QDPR: variants seen among roughly 807,000 people sequenced by gnomAD.
QDPR encodes the protein quinoid dihydropteridine reductase.
A neutral mutation model predicts 31.7 loss-of-function variants in QDPR; 23 were observed. The observed-to-expected ratio is 0.73, with a 90% CI of 0.52 to 1.03. QDPR has a LOEUF of 1.03. QDPR is among the 50% of genes least tolerant of loss of function. The pLI is 0.00. For missense variants in QDPR, 324 were observed against 323.8 expected (o/e 1.00, Z 0.00); for synonymous variants, 124 against 124.7 (o/e 0.99, Z 0.03).
At chr4:17,506,508 C>T (rs534345715) in intron 2 of QDPR, among the ~76,000 whole-genome samples, 37 of 152,294 alleles carry the variant, frequency 2.4e-4, no homozygotes, top group African/African-American at 8.4e-4. Flanking sequence ...AGAGAACAGC[C>T]GTCAGACCCC....
intron 2 of QDPR, among the ~76,000 whole-genome samples, chr4:17,505,522 C>T (rs1718757169): frequency 6.6e-6 from 1 of 152,178 alleles, no homozygotes; most frequent in South Asian, 2.1e-4. Flanking sequence ...GCTGGGACAA[C>T]AGGACTGAGC....
At chr4:17,493,501 A>T (rs1718243349) in intron 4 of QDPR, among the ~76,000 whole-genome samples, 1 of 152,178 alleles carries the variant, frequency 6.6e-6, no homozygotes, top group Non-Finnish European at 1.5e-5. Context: ...AACAAGCTTA[A>T]TCAGGGGTTT....
At position 17,487,002 on chromosome 4, in the gene QDPR, G is replaced by T; in HGVS notation, c.*129C>A. The T allele has an allele frequency of 2.6e-6, 2 of 760,928 alleles. No homozygotes were observed. The highest frequency in any genetic ancestry group is 2.6e-5 in the East Asian group (1 of 37,834). The allele number at this position is 760,928 out of a possible 1,614,324, so 47.1% of individuals were successfully genotyped here. On this transcript the variant is annotated 3_prime_UTR_variant, in exon 7 of 7. Coordinates refer to ENST00000281243, the MANE Select transcript of QDPR (RefSeq NM_000320.3). Reference sequence around the variant, plus strand: ...CTAGGAGAGCAAATGCATATTATGTGAGAGAAAAATAGGACTCATTATCTC... The same window carrying T: ...CTAGGAGAGCAAATGCATATTATGTTAGAGAAAAATAGGACTCATTATCTC...
chr4:17,490,078 C>T (rs1294513530), intron 6 of QDPR: 1 of 167,262 alleles, frequency 6.0e-6, no homozygotes, highest in African/African-American at 2.4e-5. Context: ...AGGAATTCAG[C>T]TCTCTGTCCC....
chr4:17,489,169 G>C (rs1222943054), intron 6 of QDPR, among the ~76,000 whole-genome samples: 2 of 152,212 alleles, frequency 1.3e-5, no homozygotes, highest in African/African-American at 2.4e-5. Context: ...TCTAACCAGG[G>C]ATGGTAGAGG....
chr4:17,502,560 G>T (rs1037243302), intron 3 of QDPR, among the ~76,000 whole-genome samples: 4 of 152,138 alleles, frequency 2.6e-5, no homozygotes, highest in Non-Finnish European at 5.9e-5. Flanking sequence ...AAAACCTGAT[G>T]GATCCACATT....
chr4:17,493,796 G>C (rs1400129124), intron 4 of QDPR, among the ~76,000 whole-genome samples: 1 of 152,110 alleles, frequency 6.6e-6, no homozygotes. Context: ...CAGGAGGTCG[G>C]TAGGTGGAGC....
rs779024950 is a variant in QDPR at position 17,487,124 on chromosome 4, A to G, written c.*7T>C. ...TGGCAGGCCCCTCATAGGCACTGAG[A>G]TGAGGCCTAAAAATATGCTGGGGTG... On this transcript the variant is annotated 3_prime_UTR_variant, in exon 7 of 7. Transcript: ENST00000281243. 1 of 1,611,030 alleles carries G rather than the reference A, an allele frequency of 6.2e-7. No homozygotes were observed. The highest frequency in any genetic ancestry group is 8.5e-7 in the Non-Finnish European group (1 of 1,177,334).
chr4:17,510,397 G>T (rs1718964181), intron 1 of QDPR, among the ~76,000 whole-genome samples: 1 of 152,186 alleles, frequency 6.6e-6, no homozygotes, highest in Admixed American at 6.5e-5. Flanking sequence ...CTGGCACAGG[G>T]GATGTTCAGT....
chr4:17,496,797 C>T (rs1718377208), intron 4 of QDPR, among the ~76,000 whole-genome samples: 1 of 151,988 alleles, frequency 6.6e-6, no homozygotes, highest in African/African-American at 2.4e-5. Flanking sequence ...CACTCTGTCA[C>T]CCAGACTGGA....
At chr4:17,497,858 C>A (rs1718422046) in intron 4 of QDPR, among the ~76,000 whole-genome samples, 1 of 152,154 alleles carries the variant, frequency 6.6e-6, no homozygotes, top group African/African-American at 2.4e-5. Flanking sequence ...ACCATTTGAG[C>A]AAATTTTGAC....
intron 4 of QDPR, among the ~76,000 whole-genome samples, chr4:17,497,717 T>C (rs1427271278): frequency 6.6e-6 from 1 of 152,200 alleles, no homozygotes; most frequent in Non-Finnish European, 1.5e-5. Flanking sequence ...CCTCTGGTGA[T>C]GAAATAAGAT....
intron 4 of QDPR, among the ~76,000 whole-genome samples, chr4:17,495,059 G>A (rs892822071): frequency 6.6e-6 from 1 of 152,096 alleles, no homozygotes; most frequent in Non-Finnish European, 1.5e-5. Context: ...GCAGGGAGGG[G>A]GTGATGCTTC....
At chr4:17,511,758 C>A (rs1023654845) in intron 1 of QDPR, among the ~76,000 whole-genome samples, 192 bp downstream of exon 1, 26 of 152,216 alleles carry the variant, frequency 1.7e-4, no homozygotes, top group African/African-American at 5.5e-4. Flanking sequence ...AGGCCCAGCG[C>A]CCTGGGACTG....
In QDPR at chr4:17,504,408, C is replaced by T. The variant is rs1463441963; in HGVS notation, c.266G>A (p.Gly89Glu). Residue 89 changes from glycine to glutamate, a missense_variant, in exon 3 of 7, where the codon GGA becomes GAA. Gly to Glu is a moderately conservative substitution (Grantham distance 98). Transcript: ENST00000281243. ...GGATTTGGCATTGCCCCCGGCCCAT[C>T]CTCCAGCAACGCAAAGAATTGCATC... ...KVDAILCVAG[G>E]WAGGNAKSKS... 1 of 1,614,198 alleles carries T rather than the reference C, an allele frequency of 6.2e-7. No homozygotes were observed. Among genetic ancestry groups the T allele is most frequent in the South Asian group, 1.1e-5 (1 of 91,082 alleles).
chr4:17,486,925 G>T lies in QDPR; in HGVS notation c.*206C>A. On this transcript the variant is annotated 3_prime_UTR_variant, in exon 7 of 7. Transcript: ENST00000281243. ...TAACACAGATCAACGGATGCTATTTGCAGGCCACCAGTCTCGCATGTCTTT... is the reference window on the plus strand; with the variant it reads ...TAACACAGATCAACGGATGCTATTTTCAGGCCACCAGTCTCGCATGTCTTT... The T allele has an allele frequency of 1.7e-6, 1 of 598,484 alleles. No homozygotes were observed. Among genetic ancestry groups the T allele is most frequent in the Non-Finnish European group, 3.0e-6 (1 of 331,294 alleles). The allele number at this position is 598,484 out of a possible 1,614,324, so 37.1% of individuals were successfully genotyped here.
chr4:17,504,477 T>C lies in QDPR; in HGVS notation c.199-2A>G. 6.2e-7 allele frequency: 1 copy of C among 1,612,986 alleles called. No homozygotes were observed. The highest frequency in any genetic ancestry group is 8.5e-7 in the Non-Finnish European group (1 of 1,178,908). ...GAGCTTTCCAACCTCAGCAGTCACCTTCAACACAAGAACAAAAAAATGTAT... is the reference window on the plus strand; with the variant it reads ...GAGCTTTCCAACCTCAGCAGTCACCCTCAACACAAGAACAAAAAAATGTAT... On this transcript the variant is annotated splice_acceptor_variant, in intron 2 of 6. Transcript: ENST00000281243. LOFTEE classifies it high-confidence loss of function.
At chr4:17,506,164 C>T (rs6827193) in intron 2 of QDPR, among the ~76,000 whole-genome samples, 14,987 of 152,216 alleles carry the variant, frequency 0.098, 1,536 homozygotes, top group East Asian at 0.44. Flanking sequence ...AGGTTGGGCT[C>T]TGTTGCCCAG....
At chr4:17,501,647 A>C (rs1718564598) in intron 4 of QDPR, 72 bp downstream of exon 4, 2 of 1,577,812 alleles carry the variant, frequency 1.3e-6, no homozygotes, top group Non-Finnish European at 1.7e-6. Context: ...TCCTCATCCC[A>C]TGAAAGTGCC....
Sources: allele counts gnomAD v4.1 joint callset (sites outside exome capture counted in the v4.1 genomes callset), GRCh38; gene constraint gnomAD v4.1.1; transcripts MANE v1.5; gene names NCBI Gene and HGNC (gene_info 2026-07-23, HGNC 2026-07-21).